The following METTL25 variants were observed in gnomAD, a reference collection of about 807,000 sequenced individuals.
The protein encoded by METTL25 is probable methyltransferase-like protein 25.
Under a neutral mutation model 71.6 loss-of-function variants are expected in METTL25, and 64 were observed. The ratio of observed to expected loss-of-function variants is 0.89; its 90% confidence interval spans 0.73 to 1.10. METTL25 has a LOEUF of 1.10. Among genes scored for constraint, METTL25 ranks in the 50% least tolerant of loss-of-function variants. METTL25 has a pLI of 0.00. For missense variants in METTL25, 807 were observed against 707.0 expected, an observed-to-expected ratio of 1.14 and a Z score of -1.60; for synonymous variants, 287 against 250.3, an observed-to-expected ratio of 1.15 and a Z score of -1.38.
intron 8 of METTL25, among the ~76,000 whole-genome samples, chr12:82,456,505 C>T (rs902196109): frequency 1.3e-5 from 2 of 151,980 alleles, no homozygotes; most frequent in African/African-American, 4.8e-5. Context: ...TTCTTTCTCA[C>T]AGCCTTCACT....
At chr12:82,449,456 A>G (rs1890984455) in intron 8 of METTL25, among the ~76,000 whole-genome samples, 1 of 151,906 alleles carries the variant, frequency 6.6e-6, no homozygotes, top group Admixed American at 6.6e-5. Context: ...CCATGCCATT[A>G]TTTTTACACT....
Position 82,476,662 on chromosome 12 carries a change from A to G in METTL25, c.1591A>G (p.Met531Val). ...DESKLPEKII[M>V]NYYEKYKPRM... Reference sequence around the variant, plus strand: ...CTTGAAGCTGCCAGAAAAAATTATAATGAACTACTACGAGAAGTATAAGCC... The same window carrying G: ...CTTGAAGCTGCCAGAAAAAATTATAGTGAACTACTACGAGAAGTATAAGCC... Residue 531 changes from methionine to valine, a missense_variant, in exon 10 of 12, where the codon ATG (methionine) becomes GTG (valine). Met to Val is a conservative substitution (Grantham distance 21). Coordinates refer to ENST00000248306, the MANE Select transcript of METTL25 (RefSeq NM_032230.3). 2 of 1,598,228 alleles carry G rather than the reference A, an allele frequency of 1.3e-6. No individual in the cohort carries two copies. Among genetic ancestry groups the G allele is most frequent in the Non-Finnish European group, 1.7e-6 (2 of 1,172,566 alleles).
intron 5 of METTL25, among the ~76,000 whole-genome samples, chr12:82,414,668 A>G (rs1242411142): frequency 6.6e-6 from 1 of 152,184 alleles, no homozygotes; most frequent in Non-Finnish European, 1.5e-5. Flanking sequence ...ATAAAGTAAT[A>G]TGAAAGCAAA....
At chr12:82,430,350 T>A (rs752589397) in intron 5 of METTL25, among the ~76,000 whole-genome samples, 68 of 151,346 alleles carry the variant, frequency 4.5e-4, no homozygotes, top group Admixed American at 6.6e-4. Flanking sequence ...CTGAATTGGG[T>A]CATAGTTGAA....
intron 1 of METTL25, among the ~76,000 whole-genome samples, chr12:82,372,378 A>G (rs2136865814): frequency 6.6e-6 from 1 of 152,156 alleles, no homozygotes; most frequent in East Asian, 1.9e-4. Context: ...AGATTAGAGG[A>G]GGCTTATCAT....
At chr12:82,392,883 A>G (rs1033990866) in intron 3 of METTL25, among the ~76,000 whole-genome samples, 1 of 151,854 alleles carries the variant, frequency 6.6e-6, no homozygotes, top group Non-Finnish European at 1.5e-5. Flanking sequence ...TACTGAAGAG[A>G]CTGTGCTTAC....
At position 82,400,334 on chromosome 12, in the gene METTL25, C is replaced by G. The variant is rs376785418; in HGVS notation, c.1131+940C>G. Among the ~76,000 whole-genome samples, 548 of 123,940 alleles carry G rather than the reference C, an allele frequency of 4.4e-3. 3 individuals carry two copies. Among genetic ancestry groups the G allele is most frequent in the African/African-American group, 0.014 (518 of 38,148 alleles). 81.3% of individuals were successfully genotyped at this position (123,940 alleles called of 152,430 possible). ...GTGACAGAGCGAGACGGTGTCCCCC[C>G]CAACAAAAAAAAAAAGAAAAAAAGA... On this transcript the variant is annotated intron_variant, in intron 4 of 11. Transcript: ENST00000248306.
At chr12:82,368,564 T>C (rs1426072707) in intron 1 of METTL25, among the ~76,000 whole-genome samples, 1 of 152,138 alleles carries the variant, frequency 6.6e-6, no homozygotes, top group Non-Finnish European at 1.5e-5. Flanking sequence ...GGTTGCAGGC[T>C]CCAATCAGTT....
chr12:82,359,016 C>G, intron 1 of METTL25, 192 bp downstream of exon 1: 1 of 641,184 alleles, frequency 1.6e-6, no homozygotes, highest in Non-Finnish European at 2.7e-6. Context: ...CAGGATCACT[C>G]TTTCTTTGGG....
At chr12:82,466,242 C>G (rs1198649758) in intron 9 of METTL25, among the ~76,000 whole-genome samples, 1 of 151,110 alleles carries the variant, frequency 6.6e-6, no homozygotes, top group Non-Finnish European at 1.5e-5. Context: ...AAACTTACCC[C>G]TTAATACTGC....
chr12:82,386,772 C>A, intron 1 of METTL25, 31 bp from the exon 2 acceptor site: 2 of 1,579,948 alleles, frequency 1.3e-6, no homozygotes, highest in Non-Finnish European at 1.7e-6. Flanking sequence ...TTAATTATTG[C>A]TGAAGACTTT....
chr12:82,421,506 T>C lies in METTL25; in HGVS notation c.1280-9387T>C, dbSNP rs182840460. Reference sequence around the variant, plus strand: ...AATTTTACATATGTTGATTTTAAGGTGCCAATGAAATATCCATTTGGAAAT... The same window carrying C: ...AATTTTACATATGTTGATTTTAAGGCGCCAATGAAATATCCATTTGGAAAT... On this transcript the variant is annotated intron_variant, in intron 5 of 11. Coordinates refer to ENST00000248306, the MANE Select transcript of METTL25 (RefSeq NM_032230.3). Among the ~76,000 whole-genome samples the C allele has an allele frequency of 1.9e-4, 29 of 152,190 alleles. 1 individual carries two copies. Among genetic ancestry groups the C allele is most frequent in the Non-Finnish European group, 3.5e-4 (24 of 68,012 alleles).
chr12:82,365,864 C>T (rs1312855143), intron 1 of METTL25, among the ~76,000 whole-genome samples: 7 of 152,064 alleles, frequency 4.6e-5, no homozygotes, highest in South Asian at 2.1e-4. Flanking sequence ...GGGGGGATCA[C>T]GAGGTCAGGA....
intron 8 of METTL25, among the ~76,000 whole-genome samples, chr12:82,452,643 CA>C (rs1891226690): frequency 6.6e-6 from 1 of 152,176 alleles, no homozygotes; most frequent in African/African-American, 2.4e-5. Context: ...ACTCACTTTG[CA>C]GATATTATTT....
At chr12:82,397,088 A>T (rs150851182) in intron 3 of METTL25, among the ~76,000 whole-genome samples, 184 of 152,154 alleles carry the variant, frequency 1.2e-3, no homozygotes, top group African/African-American at 4.4e-3. Context: ...TTGTGTGGAC[A>T]TGTTTTCATT....
rs750086207 is a variant in METTL25 at position 82,358,834 on chromosome 12, G to A, written c.259+10G>A. The A allele has an allele frequency of 6.2e-7, 1 of 1,601,446 alleles. No individual in the cohort carries two copies. The highest frequency in any genetic ancestry group is 8.5e-7 in the Non-Finnish European group (1 of 1,172,584). On this transcript the variant is annotated intron_variant, in intron 1 of 11. Coordinates refer to ENST00000248306, the MANE Select transcript of METTL25 (RefSeq NM_032230.3). ...GCAGAGTGGGAAGCAGGTGGGTGGT[G>A]GGGTAGGCGGGGCGGGAAGGGAGGC...
At position 82,462,571 on chromosome 12, in the gene METTL25, G is replaced by A. The variant is rs190597120; in HGVS notation, c.1572+5751G>A. ...TACTTCTGACATCTATCTTTAAGGTGTATATATACAGCTTAAATGAGATAC... is the reference window on the plus strand; with the variant it reads ...TACTTCTGACATCTATCTTTAAGGTATATATATACAGCTTAAATGAGATAC... On this transcript the variant is annotated intron_variant, in intron 9 of 11. Coordinates refer to ENST00000248306, the MANE Select transcript of METTL25 (RefSeq NM_032230.3). 5.3e-5 allele frequency among the ~76,000 whole-genome samples: 8 copies of A among 152,146 alleles called. No homozygotes were observed. The East Asian group carries it at 1.2e-3, about 22-fold the overall frequency.
At chr12:82,387,946 AT>A (rs140938689) in intron 2 of METTL25, among the ~76,000 whole-genome samples, 4 of 150,900 alleles carry the variant, frequency 2.7e-5, no homozygotes, top group Non-Finnish European at 5.9e-5. Context: ...TTTTAGAGCC[AT>A]TTTTTTTTCT....
intron 6 of METTL25, among the ~76,000 whole-genome samples, chr12:82,431,352 A>G (rs1889485351): frequency 6.6e-6 from 1 of 151,636 alleles, no homozygotes; most frequent in Non-Finnish European, 1.5e-5. Flanking sequence ...AATTAAATAA[A>G]ACATTTATTG....
Sources: gnomAD v4.1 joint callset for allele counts (sites outside exome capture counted in the v4.1 genomes callset) on GRCh38, gnomAD v4.1.1 for gene constraint, MANE v1.5 for transcripts, NCBI Gene and HGNC (gene_info 2026-07-23, HGNC 2026-07-21) for gene names.